ZDHHC11B: variants seen among roughly 807,000 people sequenced by gnomAD.
ZDHHC11B encodes the protein probable palmitoyltransferase ZDHHC11B.
Under a neutral mutation model 42.3 loss-of-function variants are expected in ZDHHC11B, and 17 were observed. The ratio of observed to expected loss-of-function variants is 0.40; its 90% CI spans 0.27 to 0.60. ZDHHC11B has a LOEUF of 0.60. Ranked by LOEUF, ZDHHC11B falls within the 20% of genes least tolerant of loss-of-function variation. ZDHHC11B has a pLI of 0.41. For synonymous variants in ZDHHC11B, 123 were observed against 193.5 expected, an observed-to-expected ratio of 0.64 and a Z score of 3.02; for missense variants, 262 against 463.2, an observed-to-expected ratio of 0.57 and a Z score of 3.99.
intron 11 of ZDHHC11B, among the ~76,000 whole-genome samples, chr5:733,495 C>T (rs1743217311): frequency 6.6e-6 from 1 of 151,696 alleles, no homozygotes; most frequent in Non-Finnish European, 1.5e-5. Context: ...ACCGCAGCTT[C>T]TTGGTGGTGC....
chr5:770,414 G>A, intron 1 of ZDHHC11B, among the ~76,000 whole-genome samples: 1 of 150,628 alleles, frequency 6.6e-6, no homozygotes, highest in African/African-American at 2.4e-5. Flanking sequence ...CAGGGTGGGA[G>A]CTGAGCTGGG....
At chr5:754,175 G>T (rs1746194179) in intron 6 of ZDHHC11B, among the ~76,000 whole-genome samples, 1 of 113,118 alleles carries the variant, frequency 8.8e-6, no homozygotes, top group Non-Finnish European at 1.8e-5. Context: ...ATGCTCAGGG[G>T]AAACATCTCT....
At chr5:774,596 G>A (rs1579456330) in intron 1 of ZDHHC11B, among the ~76,000 whole-genome samples, 1 of 150,686 alleles carries the variant, frequency 6.6e-6, no homozygotes, top group Non-Finnish European at 1.5e-5. Context: ...AGGGCCAGGG[G>A]TCTGCCCCTT....
chr5:772,605 A>T (rs1176932922), intron 1 of ZDHHC11B, among the ~76,000 whole-genome samples: 34 of 151,252 alleles, frequency 2.2e-4, no homozygotes, highest in Admixed American at 4.6e-4. Flanking sequence ...AGCCGAGAAG[A>T]AGTAGTAGAT....
chr5:725,056 C>G (rs1477076988), intron 12 of ZDHHC11B, among the ~76,000 whole-genome samples: 4 of 151,020 alleles, frequency 2.6e-5, no homozygotes, highest in African/African-American at 9.8e-5. Context: ...GTCCTAACCC[C>G]AGCGTTGTGT....
At chr5:772,380 C>T (rs1218486652) in intron 1 of ZDHHC11B, among the ~76,000 whole-genome samples, 1 of 147,424 alleles carries the variant, frequency 6.8e-6, no homozygotes, top group Admixed American at 6.9e-5. Flanking sequence ...AGGGGTCAGA[C>T]CATCGCCGGA....
chr5:733,634 T>G lies in ZDHHC11B; in HGVS notation c.1023+118A>C, dbSNP rs1431581042. On this transcript the variant is annotated intron_variant, in intron 11 of 13. Coordinates refer to ENST00000508859, the MANE Select transcript of ZDHHC11B (RefSeq NM_001351303.2). ...CATCATTCCCATGTGAGCAGCACCC[T>G]TGGACACAGAGTGCTTCTATTCTGA... The G allele has an allele frequency of 3.4e-6, 3 of 895,096 alleles. No individual in the cohort carries two copies. The African/African-American group carries it at 4.8e-5, about 14-fold the overall frequency. The allele number at this position is 895,096 out of a possible 1,614,324, so 55.4% of individuals were successfully genotyped here.
intron 6 of ZDHHC11B, among the ~76,000 whole-genome samples, chr5:752,354 C>A (rs1745887480): frequency 1.0e-5 from 1 of 97,744 alleles, no homozygotes. Context: ...GACCTGAGAC[C>A]AAATCCACTC....
chr5:731,294 G>T (rs1437599449), intron 11 of ZDHHC11B, among the ~76,000 whole-genome samples: 1 of 149,612 alleles, frequency 6.7e-6, no homozygotes, highest in Non-Finnish European at 1.5e-5. Flanking sequence ...TGCCCATAGT[G>T]GTCTCAAACT....
chr5:717,260 G>A (rs1201690802), intron 12 of ZDHHC11B, among the ~76,000 whole-genome samples: 1 of 151,732 alleles, frequency 6.6e-6, no homozygotes, highest in African/African-American at 2.4e-5. Context: ...GTGAGTTCTT[G>A]CTATCGTGGA....
At chr5:784,509 G>A (rs1361930602) in intron 1 of ZDHHC11B, among the ~76,000 whole-genome samples, 159 bp downstream of exon 1, 3 of 152,252 alleles carry the variant, frequency 2.0e-5, no homozygotes, top group Non-Finnish European at 4.4e-5. Flanking sequence ...TCCCAATCCG[G>A]GGGCTCAGGG....
chr5:767,095 G>T, intron 3 of ZDHHC11B, 176 bp from the exon 4 acceptor site: 1 of 904,064 alleles, frequency 1.1e-6, no homozygotes, highest in Non-Finnish European at 1.7e-6. Context: ...GGTTGGGCTG[G>T]AGTCGGTGCA....
chr5:757,040 C>T (rs531564024), intron 4 of ZDHHC11B, among the ~76,000 whole-genome samples: 1 of 151,824 alleles, frequency 6.6e-6, no homozygotes, highest in Non-Finnish European at 1.5e-5. Flanking sequence ...CTCCCCGTGA[C>T]TGGAACGTCA....
chr5:776,704 C>T, intron 1 of ZDHHC11B, among the ~76,000 whole-genome samples: 1 of 151,970 alleles, frequency 6.6e-6, no homozygotes, highest in South Asian at 2.1e-4. Flanking sequence ...CTCACCCAGC[C>T]CTCCTGTCCC....
chr5:784,711 G>A lies in ZDHHC11B; in HGVS notation c.-273C>T, dbSNP rs1430211397. ...GCAGCGGAGGCTCCCCCGCGACCCG[G>A]CCGCGCGCGACCAAGTGCTCAGCGC... On this transcript the variant is annotated 5_prime_UTR_variant, in exon 1 of 14. Transcript: ENST00000508859. Among the ~76,000 whole-genome samples, 83 of 149,336 alleles carry A rather than the reference G, an allele frequency of 5.6e-4. 5 individuals carry two copies. Among genetic ancestry groups the A allele is most frequent in the Non-Finnish European group, 1.1e-3 (75 of 67,006 alleles).
intron 13 of ZDHHC11B, among the ~76,000 whole-genome samples, chr5:715,919 G>C (rs528212583): frequency 6.6e-6 from 1 of 151,418 alleles, no homozygotes; most frequent in East Asian, 1.9e-4. Context: ...CAGGGCTTTT[G>C]ATGTTTTGCC....
chr5:748,372 G>T lies in ZDHHC11B; in HGVS notation c.784+32C>A. 3.4e-6 allele frequency: 4 copies of T among 1,186,888 alleles called. 1 individual carries two copies. The highest frequency in any genetic ancestry group is 4.5e-6 in the Non-Finnish European group (4 of 884,044). The allele number at this position is 1,186,888 out of a possible 1,614,324, so 73.5% of individuals were successfully genotyped here. On this transcript the variant is annotated intron_variant, in intron 8 of 13. Transcript: ENST00000508859. ...GAGCAGCTCTGACCAACCAGGCTTG[G>T]GGGGATCGGGGGCTTAGGGTGGGGG...
At chr5:770,501 G>A (rs1281858007) in intron 1 of ZDHHC11B, among the ~76,000 whole-genome samples, 62 of 151,336 alleles carry the variant, frequency 4.1e-4, no homozygotes, top group African/African-American at 8.7e-4. Flanking sequence ...CCTCCCCGCC[G>A]CAGTTCCACT....
At chr5:743,915 T>C (rs1008075942) in intron 9 of ZDHHC11B, among the ~76,000 whole-genome samples, 1 of 149,890 alleles carries the variant, frequency 6.7e-6, no homozygotes, top group Non-Finnish European at 1.5e-5. Context: ...GAGGAAGTGG[T>C]GTCATCACCT....
Sources: gnomAD v4.1 joint callset for allele counts (sites outside exome capture counted in the v4.1 genomes callset) on GRCh38, gnomAD v4.1.1 for gene constraint, MANE v1.5 for transcripts, NCBI Gene and HGNC (gene_info 2026-07-23, HGNC 2026-07-21) for gene names.